The following FAM227B variants were observed in gnomAD, a reference collection of about 807,000 sequenced individuals.
The protein encoded by FAM227B is family with sequence similarity 227 member B.
FAM227B carries 88 observed loss-of-function variants against 73.8 expected under a neutral mutation model. The observed-to-expected ratio is 1.19, with a 90% CI of 1.00 to 1.42. The LOEUF (loss-of-function observed/expected upper bound fraction) is 1.42. FAM227B is among the 40% of genes most tolerant of loss of function. FAM227B has a pLI of 0.00. For missense variants in FAM227B, 632 were observed against 590.9 expected (o/e 1.07, Z -0.72); for synonymous variants, 210 against 190.5 (o/e 1.10, Z -0.84).
At chr15:49,525,665 AATAT>A (rs57123974) in intron 10 of FAM227B, among the ~76,000 whole-genome samples, 1,530 of 80,280 alleles carry the variant, frequency 0.019, 64 homozygotes, top group African/African-American at 0.025. Context: ...AGGGTGGAGA[AATAT>A]ATATATATAT....
intron 13 of FAM227B, among the ~76,000 whole-genome samples, chr15:49,345,553 A>C (rs879269014): frequency 2.6e-5 from 4 of 152,244 alleles, no homozygotes; most frequent in Non-Finnish European, 5.9e-5. Flanking sequence ...CATTATGAAC[A>C]ATGGTTATAT....
intron 9 of FAM227B, among the ~76,000 whole-genome samples, chr15:49,545,997 G>A (rs1486102010): frequency 1.3e-5 from 2 of 149,260 alleles, no homozygotes; most frequent in South Asian, 2.1e-4. Context: ...TAGGGTACAT[G>A]TGCACAACGT....
At chr15:49,464,788 G>A (rs544668887) in intron 11 of FAM227B, among the ~76,000 whole-genome samples, 14 of 152,242 alleles carry the variant, frequency 9.2e-5, no homozygotes, top group African/African-American at 3.4e-4. Flanking sequence ...ACAGTGTGGT[G>A]CATCTACATC....
At chr15:49,495,256 G>C (rs577518232) in intron 11 of FAM227B, among the ~76,000 whole-genome samples, 1 of 152,260 alleles carries the variant, frequency 6.6e-6, no homozygotes, top group African/African-American at 2.4e-5. Context: ...ACTTGAAATT[G>C]CTTGGTGAGC....
At chr15:49,436,711 G>C (rs918461176) in intron 11 of FAM227B, among the ~76,000 whole-genome samples, 2 of 151,514 alleles carry the variant, frequency 1.3e-5, no homozygotes, top group African/African-American at 4.8e-5. Flanking sequence ...TACATAGCTA[G>C]TAACTGTCAA....
At chr15:49,462,475 C>T (rs1156901211) in intron 11 of FAM227B, among the ~76,000 whole-genome samples, 1 of 152,178 alleles carries the variant, frequency 6.6e-6, no homozygotes, top group South Asian at 2.1e-4. Flanking sequence ...TCTTTTCCAG[C>T]ATGGGCAAAT....
chr15:49,573,706 C>T (rs1403568953), intron 8 of FAM227B, among the ~76,000 whole-genome samples: 1 of 152,166 alleles, frequency 6.6e-6, no homozygotes, highest in Non-Finnish European at 1.5e-5. Context: ...TCATTCTGTT[C>T]ATTATAAATC....
At chr15:49,351,699 T>C (rs116123817) in intron 13 of FAM227B, among the ~76,000 whole-genome samples, 22 of 152,134 alleles carry the variant, frequency 1.4e-4, no homozygotes, top group South Asian at 4.1e-4. Context: ...TAAAGTAACA[T>C]TGGACAGACA....
chr15:49,334,648 A>G (rs560830619), intron 14 of FAM227B, among the ~76,000 whole-genome samples: 2 of 152,224 alleles, frequency 1.3e-5, no homozygotes, highest in African/African-American at 4.8e-5. Flanking sequence ...GGAGACGGGA[A>G]TGGGGACCCT....
At chr15:49,533,240 T>C (rs965805195) in intron 10 of FAM227B, among the ~76,000 whole-genome samples, 3 of 152,016 alleles carry the variant, frequency 2.0e-5, no homozygotes, top group Non-Finnish European at 4.4e-5. Flanking sequence ...GAAGAGATGC[T>C]TGATATGATT....
At chr15:49,525,983 C>T (rs1292983153) in intron 10 of FAM227B, among the ~76,000 whole-genome samples, 1 of 151,676 alleles carries the variant, frequency 6.6e-6, no homozygotes, top group Admixed American at 6.6e-5. Flanking sequence ...ACTGACAGAC[C>T]TAGATACCAT....
intron 11 of FAM227B, among the ~76,000 whole-genome samples, chr15:49,455,854 C>CT (rs1212700334): frequency 1.3e-5 from 2 of 151,718 alleles, no homozygotes; most frequent in South Asian, 2.1e-4. Context: ...TGGCTTTTTT[C>CT]TTTTTTTTCT....
At chr15:49,480,821 T>C (rs1199650241) in intron 11 of FAM227B, among the ~76,000 whole-genome samples, 2 of 152,042 alleles carry the variant, frequency 1.3e-5, no homozygotes, top group African/African-American at 4.8e-5. Context: ...CAGTGGGCAA[T>C]AGACAGGCAG....
intron 9 of FAM227B, among the ~76,000 whole-genome samples, chr15:49,565,341 C>T (rs2074568330): frequency 1.4e-5 from 2 of 145,098 alleles, no homozygotes; most frequent in South Asian, 2.2e-4. Flanking sequence ...GTGATTGCGC[C>T]ACTGAACTCC....
chr15:49,577,483 A>C (rs2075529578), intron 6 of FAM227B, 146 bp downstream of exon 6: 4 of 520,766 alleles, frequency 7.7e-6, no homozygotes, highest in Non-Finnish European at 1.4e-5. Context: ...ACTAGGCAGA[A>C]AGAGAAAGCT....
At chr15:49,467,540 T>A (rs941562017) in intron 11 of FAM227B, among the ~76,000 whole-genome samples, 1 of 152,152 alleles carries the variant, frequency 6.6e-6, no homozygotes, top group Non-Finnish European at 1.5e-5. Flanking sequence ...ATTTTCTAGA[T>A]GGTGGGAAGA....
intron 9 of FAM227B, among the ~76,000 whole-genome samples, chr15:49,557,076 C>G (rs923985980): frequency 1.3e-5 from 2 of 152,136 alleles, no homozygotes; most frequent in African/African-American, 4.8e-5. Flanking sequence ...CCCCTCCATC[C>G]CAGTATGTGT....
chr15:49,542,215 A>T (rs2071168981), intron 9 of FAM227B, among the ~76,000 whole-genome samples: 1 of 152,176 alleles, frequency 6.6e-6, no homozygotes, highest in Non-Finnish European at 1.5e-5. Context: ...TTGTGAACAG[A>T]TTATTTCTTT....
chr15:49,619,802 C>T (rs1170994985), intron 1 of FAM227B, among the ~76,000 whole-genome samples: 4 of 152,176 alleles, frequency 2.6e-5, no homozygotes, highest in Non-Finnish European at 4.4e-5. Context: ...TCTACTTTCC[C>T]TACCCAGAAA....
Sources: gnomAD v4.1 joint callset for allele counts (sites outside exome capture counted in the v4.1 genomes callset) on GRCh38, gnomAD v4.1.1 for gene constraint, MANE v1.5 for transcripts, NCBI Gene and HGNC (gene_info 2026-07-23, HGNC 2026-07-21) for gene names.